The following AFG2A variants were observed in gnomAD, a reference collection of about 807,000 sequenced individuals.
AFG2A encodes the protein ATPase family gene 2 protein homolog A.
the AFG2A span, among the ~76,000 whole-genome samples, chr4:123,271,544 G>C: frequency 6.6e-6 from 1 of 152,190 alleles, no homozygotes; most frequent in Non-Finnish European, 1.5e-5. Context: ...CCTAGACTAA[G>C]GGAAAGCCCC....
chr4:123,034,849 G>A, the AFG2A span, among the ~76,000 whole-genome samples: 2 of 152,124 alleles, frequency 1.3e-5, no homozygotes, highest in African/African-American at 4.8e-5. Flanking sequence ...TGGGCATATT[G>A]TAGATGAAGT....
At chr4:123,038,728 CACTTG>C in the AFG2A span, among the ~76,000 whole-genome samples, 1 of 152,114 alleles carries the variant, frequency 6.6e-6, no homozygotes, top group Admixed American at 6.5e-5. Context: ...TTATTAGTAA[CACTTG>C]ACTTGAATTA....
the AFG2A span, among the ~76,000 whole-genome samples, chr4:122,952,459 C>T: frequency 6.6e-6 from 1 of 152,158 alleles, no homozygotes; most frequent in African/African-American, 2.4e-5. Context: ...TAAAATGATG[C>T]CCATACCCTA....
At chr4:123,069,735 A>C in the AFG2A span, among the ~76,000 whole-genome samples, 1 of 152,214 alleles carries the variant, frequency 6.6e-6, no homozygotes, top group Non-Finnish European at 1.5e-5. Context: ...TGGAAATTTT[A>C]GCTATGTAAA....
At chr4:123,207,159 C>A in the AFG2A span, among the ~76,000 whole-genome samples, 1 of 152,116 alleles carries the variant, frequency 6.6e-6, no homozygotes, top group East Asian at 1.9e-4. Context: ...AAATTAGCTA[C>A]TAGGTCACTT....
chr4:122,934,225 A>G, the AFG2A span: 2 of 1,614,210 alleles, frequency 1.2e-6, no homozygotes, highest in Non-Finnish European at 8.5e-7. Flanking sequence ...TGACTCTGAC[A>G]CTGATGCCCA....
At chr4:123,017,087 G>A in the AFG2A span, among the ~76,000 whole-genome samples, 3 of 151,410 alleles carry the variant, frequency 2.0e-5, no homozygotes, top group Admixed American at 6.6e-5. Flanking sequence ...GTCCAGCTTC[G>A]GCTCGGCATC....
the AFG2A span, among the ~76,000 whole-genome samples, chr4:123,003,917 C>G: frequency 6.6e-6 from 1 of 152,108 alleles, no homozygotes; most frequent in Admixed American, 6.5e-5. Flanking sequence ...AAAGGTGGAG[C>G]CTACAGAGGC....
At chr4:123,243,311 A>G in the AFG2A span, among the ~76,000 whole-genome samples, 3 of 152,202 alleles carry the variant, frequency 2.0e-5, no homozygotes, top group Non-Finnish European at 4.4e-5. Context: ...TGTTTATTGC[A>G]GCACTATTCA....
At chr4:122,991,230 G>C in the AFG2A span, among the ~76,000 whole-genome samples, 1 of 152,170 alleles carries the variant, frequency 6.6e-6, no homozygotes. Flanking sequence ...TTAAGTCTGT[G>C]CCTGGCCCTG....
the AFG2A span, among the ~76,000 whole-genome samples, chr4:123,098,485 T>C: frequency 6.6e-6 from 1 of 151,992 alleles, no homozygotes; most frequent in East Asian, 1.9e-4. Context: ...CCTGTTTAAC[T>C]GAAGGTTTGT....
chr4:123,125,940 C>T, the AFG2A span, among the ~76,000 whole-genome samples: 1 of 152,142 alleles, frequency 6.6e-6, no homozygotes, highest in South Asian at 2.1e-4. Context: ...GTCTCTTTCT[C>T]CACCATTTCA....
At chr4:123,016,566 C>T in the AFG2A span, among the ~76,000 whole-genome samples, 6 of 151,180 alleles carry the variant, frequency 4.0e-5, no homozygotes, top group African/African-American at 1.2e-4. Flanking sequence ...GATGGGATGG[C>T]GGCCGGGTAG....
chr4:122,927,794 C>A, the AFG2A span: 1 of 1,604,060 alleles, frequency 6.2e-7, no homozygotes. Context: ...TTTAGAAATA[C>A]AAACTGAACA....
At chr4:123,198,029 G>T in the AFG2A span, among the ~76,000 whole-genome samples, 7 of 152,024 alleles carry the variant, frequency 4.6e-5, no homozygotes, top group African/African-American at 1.7e-4. Context: ...CCAGCACTTT[G>T]GGAGGCTGAG....
chr4:123,161,925 A>G, the AFG2A span, among the ~76,000 whole-genome samples: 5 of 152,332 alleles, frequency 3.3e-5, no homozygotes, highest in Middle Eastern at 6.8e-3. Flanking sequence ...TTAGAGAAAC[A>G]TGAACAAGCC....
chr4:122,935,972 TG>T, the AFG2A span: 23 of 1,309,060 alleles, frequency 1.8e-5, no homozygotes, highest in Non-Finnish European at 2.2e-5. Context: ...TAATAAAAAT[TG>T]TTTGGAAAAT....
chr4:123,045,089 G>A, the AFG2A span, among the ~76,000 whole-genome samples: 1 of 151,584 alleles, frequency 6.6e-6, no homozygotes, highest in Non-Finnish European at 1.5e-5. Flanking sequence ...TTAAGATCTT[G>A]TTTGCCAATT....
the AFG2A span, chr4:123,057,107 G>C: frequency 8.4e-7 from 1 of 1,186,514 alleles, no homozygotes; most frequent in Non-Finnish European, 1.2e-6. Flanking sequence ...TTGTTGACTT[G>C]TACCTAATAG....
Sources: gnomAD v4.1 joint callset for allele counts (sites outside exome capture counted in the v4.1 genomes callset) on GRCh38, gnomAD v4.1.1 for gene constraint, MANE v1.5 for transcripts, NCBI Gene and HGNC (gene_info 2026-07-23, HGNC 2026-07-21) for gene names.